LOC128125814: variants seen among roughly 807,000 people sequenced by gnomAD.
chr12:57,519,927 C>A, the LOC128125814 span, among the ~76,000 whole-genome samples: 1 of 152,226 alleles, frequency 6.6e-6, no homozygotes, highest in African/African-American at 2.4e-5. Context: ...TTCCCCTATC[C>A]GCTGCAGGGT....
chr12:57,518,761 C>T, the LOC128125814 span, among the ~76,000 whole-genome samples: 80 of 152,302 alleles, frequency 5.3e-4, no homozygotes, highest in Non-Finnish European at 4.0e-4. Flanking sequence ...TGGGTTCAAG[C>T]GATTCTCCTG....
the LOC128125814 span, among the ~76,000 whole-genome samples, chr12:57,518,207 G>C: frequency 6.6e-6 from 1 of 151,946 alleles, no homozygotes; most frequent in Admixed American, 6.6e-5. Flanking sequence ...TAGCCATTTC[G>C]AAGGGCAGAA....
the LOC128125814 span, among the ~76,000 whole-genome samples, chr12:57,517,926 A>C: frequency 6.6e-6 from 1 of 151,250 alleles, no homozygotes; most frequent in East Asian, 1.9e-4. Flanking sequence ...TCCTCGGTTC[A>C]AGTGATTCTT....
At chr12:57,519,048 A>G in the LOC128125814 span, 2 of 524,696 alleles carry the variant, frequency 3.8e-6, no homozygotes, top group South Asian at 2.8e-5. Flanking sequence ...ATCTAGATCA[A>G]TTCACTACCA....
At chr12:57,520,138 T>G in the LOC128125814 span, among the ~76,000 whole-genome samples, 1 of 152,212 alleles carries the variant, frequency 6.6e-6, no homozygotes, top group Non-Finnish European at 1.5e-5. Context: ...AGGCCTGAAG[T>G]TGGCTACGGG....
chr12:57,519,513 A>G, the LOC128125814 span, among the ~76,000 whole-genome samples: 1 of 152,264 alleles, frequency 6.6e-6, no homozygotes, highest in African/African-American at 2.4e-5. Flanking sequence ...AAGGGGCAGA[A>G]GCAGAGTGGC....
chr12:57,519,511 G>C, the LOC128125814 span, among the ~76,000 whole-genome samples: 1 of 152,246 alleles, frequency 6.6e-6, no homozygotes, highest in Non-Finnish European at 1.5e-5. Context: ...GGAAGGGGCA[G>C]AAGCAGAGTG....
the LOC128125814 span, among the ~76,000 whole-genome samples, chr12:57,519,754 C>A: frequency 6.6e-6 from 1 of 152,198 alleles, no homozygotes; most frequent in Non-Finnish European, 1.5e-5. Flanking sequence ...GGACTAATCC[C>A]GAGGGAAGGA....
At chr12:57,519,438 G>C in the LOC128125814 span, among the ~76,000 whole-genome samples, 1 of 152,156 alleles carries the variant, frequency 6.6e-6, no homozygotes, top group Non-Finnish European at 1.5e-5. Flanking sequence ...GTGGCACACA[G>C]TAGGTCCTCA....
At chr12:57,519,877 T>C in the LOC128125814 span, among the ~76,000 whole-genome samples, 1 of 152,204 alleles carries the variant, frequency 6.6e-6, no homozygotes, top group Non-Finnish European at 1.5e-5. Context: ...CCACTCCCTG[T>C]CCATCGGCAC....
the LOC128125814 span, chr12:57,520,283 A>G: frequency 2.5e-6 from 1 of 396,684 alleles, no homozygotes; most frequent in Non-Finnish European, 4.4e-6. Flanking sequence ...ACCACCCCAG[A>G]ATAAGGGACT....
chr12:57,520,390 T>G, the LOC128125814 span: 1 of 397,628 alleles, frequency 2.5e-6, no homozygotes, highest in South Asian at 1.3e-4. Context: ...GACGGGAGGG[T>G]AAAAGGTAGA....
chr12:57,519,817 G>T, the LOC128125814 span, among the ~76,000 whole-genome samples: 1 of 152,206 alleles, frequency 6.6e-6, no homozygotes, highest in Non-Finnish European at 1.5e-5. Context: ...GATCCAGGCT[G>T]CTCTCTTGTG....
chr12:57,518,833 AT>A, the LOC128125814 span, among the ~76,000 whole-genome samples: 10 of 151,864 alleles, frequency 6.6e-5, no homozygotes, highest in African/African-American at 2.4e-4. Flanking sequence ...TAATTTTTGT[AT>A]TTTTAGTAAA....
At chr12:57,520,180 C>T in the LOC128125814 span, among the ~76,000 whole-genome samples, 195 of 152,340 alleles carry the variant, frequency 1.3e-3, 5 homozygotes, top group East Asian at 0.027. Context: ...CAACCGAGGT[C>T]CCTTTGCCCA....
the LOC128125814 span, chr12:57,519,095 G>A: frequency 1.9e-6 from 1 of 531,130 alleles, no homozygotes; most frequent in African/African-American, 1.9e-5. Flanking sequence ...GACTGCAGAA[G>A]GTCTTCCCAT....
chr12:57,517,917 C>T, the LOC128125814 span, among the ~76,000 whole-genome samples: 1,890 of 151,706 alleles, frequency 0.012, 28 homozygotes, highest in African/African-American at 0.033. Flanking sequence ...ACCTCTGCCT[C>T]CTCGGTTCAA....
chr12:57,517,728 A>G, the LOC128125814 span: 2 of 529,568 alleles, frequency 3.8e-6, no homozygotes, highest in Non-Finnish European at 6.7e-6. Flanking sequence ...GTGGTGATGT[A>G]TGAAGATACA....
the LOC128125814 span, chr12:57,519,297 C>T: frequency 6.3e-6 from 3 of 474,646 alleles, no homozygotes; most frequent in African/African-American, 6.0e-5. Flanking sequence ...CTCTGACCTC[C>T]ATCCTGAACA....
Sources: gnomAD v4.1 joint callset for allele counts (sites outside exome capture counted in the v4.1 genomes callset) on GRCh38, gnomAD v4.1.1 for gene constraint, MANE v1.5 for transcripts.